Variants in HSD17B2 observed in about 807,000 individuals in gnomAD.
The protein encoded by HSD17B2 is hydroxysteroid 17-beta dehydrogenase 2, also known as 17-beta-hydroxysteroid dehydrogenase type 2.
A neutral mutation model predicts 26.9 loss-of-function variants in HSD17B2; 32 were observed. That is an observed-to-expected ratio of 1.19 (90% CI 0.90 to 1.60). The LOEUF is 1.60. Ranked by LOEUF, HSD17B2 falls within the 40% of genes most tolerant of loss-of-function variation. The pLI is 0.00. For missense variants in HSD17B2, 613 were observed against 468.6 expected (o/e 1.31, Z -2.85); for synonymous variants, 246 against 186.7 (o/e 1.32, Z -2.59).
intron 1 of HSD17B2, among the ~76,000 whole-genome samples, chr16:82,045,313 C>G (rs1164275090): frequency 6.6e-6 from 1 of 152,058 alleles, no homozygotes; most frequent in African/African-American, 2.4e-5. Flanking sequence ...AAGCTTCCCT[C>G]TTAAGATATA....
At chr16:82,084,671 T>C (rs1904473768) in intron 3 of HSD17B2, among the ~76,000 whole-genome samples, 1 of 152,172 alleles carries the variant, frequency 6.6e-6, no homozygotes, top group Non-Finnish European at 1.5e-5. Context: ...GGGCCAGTTT[T>C]CCTCCAGAAA....
chr16:82,090,777 C>T, intron 3 of HSD17B2, 125 bp from the exon 4 acceptor site: 1 of 896,874 alleles, frequency 1.1e-6, no homozygotes, highest in Middle Eastern at 2.9e-4. Flanking sequence ...GGGGGCCTTG[C>T]CTGCCTTTGT....
chr16:82,039,571 T>G (rs1046072727), intron 1 of HSD17B2, among the ~76,000 whole-genome samples: 4 of 152,152 alleles, frequency 2.6e-5, no homozygotes, highest in Non-Finnish European at 4.4e-5. Flanking sequence ...ACCAGGAAAT[T>G]ACTGTCAAGC....
chr16:82,074,458 C>T (rs377276941), intron 3 of HSD17B2, among the ~76,000 whole-genome samples: 2 of 152,000 alleles, frequency 1.3e-5, no homozygotes, highest in Non-Finnish European at 2.9e-5. Flanking sequence ...TCAACAGGGC[C>T]GGGAGTTTGT....
intron 1 of HSD17B2, among the ~76,000 whole-genome samples, chr16:82,045,927 G>A (rs1292790528): frequency 6.6e-6 from 1 of 152,214 alleles, no homozygotes; most frequent in African/African-American, 2.4e-5. Flanking sequence ...TGGTTCTTCT[G>A]TTACAGAGAG....
intron 1 of HSD17B2, among the ~76,000 whole-genome samples, chr16:82,037,075 G>C (rs1257677608): frequency 6.6e-6 from 1 of 152,202 alleles, no homozygotes; most frequent in East Asian, 1.9e-4. Context: ...ACCCAACTCA[G>C]TGAGCCCACA....
intron 1 of HSD17B2, among the ~76,000 whole-genome samples, chr16:82,046,168 C>G (rs548600883): frequency 6.6e-6 from 1 of 152,134 alleles, no homozygotes; most frequent in South Asian, 2.1e-4. Context: ...TATGCACGCT[C>G]GAGATACAGT....
intron 1 of HSD17B2, among the ~76,000 whole-genome samples, chr16:82,050,153 C>T (rs1055276063): frequency 6.6e-6 from 1 of 152,228 alleles, no homozygotes; most frequent in Non-Finnish European, 1.5e-5. Context: ...ACCTTATGTA[C>T]TCAGTTCCAC....
rs371716523 is a variant in HSD17B2, at chr16:82,067,909, C to T, written c.266-261C>T. On this transcript the variant is annotated intron_variant, in intron 1 of 4. Transcript: ENST00000199936. ...CCAGCCACTCCTGGACTACCCTTCC[C>T]CCATGCCTTTCTCTTTCCACCTATG... 7.2e-5 allele frequency among the ~76,000 whole-genome samples: 11 copies of T among 152,288 alleles called. No individual in the cohort carries two copies. The East Asian group carries it at 1.9e-3, about 27-fold the overall frequency.
At chr16:82,046,419 G>A (rs1463905294) in intron 1 of HSD17B2, among the ~76,000 whole-genome samples, 1 of 152,020 alleles carries the variant, frequency 6.6e-6, no homozygotes. Flanking sequence ...CGCCTTATAA[G>A]ATAATTTAAA....
chr16:82,089,763 T>C (rs373387052), intron 3 of HSD17B2, among the ~76,000 whole-genome samples: 6 of 152,264 alleles, frequency 3.9e-5, no homozygotes, highest in African/African-American at 1.4e-4. Context: ...TCCATCTTCA[T>C]GTGGCCTTCT....
intron 1 of HSD17B2, among the ~76,000 whole-genome samples, chr16:82,053,244 T>C (rs1273238608): frequency 1.3e-5 from 2 of 152,116 alleles, no homozygotes; most frequent in Non-Finnish European, 2.9e-5. Context: ...CATCAGGGAA[T>C]TGGTGATCAG....
intron 3 of HSD17B2, among the ~76,000 whole-genome samples, chr16:82,079,850 A>T (rs1363678428): frequency 6.6e-6 from 1 of 152,240 alleles, no homozygotes; most frequent in Non-Finnish European, 1.5e-5. Context: ...ACTTGTTGAT[A>T]TATCTTTGGC....
intron 1 of HSD17B2, among the ~76,000 whole-genome samples, chr16:82,065,256 G>A (rs1488373718): frequency 6.6e-6 from 1 of 152,180 alleles, no homozygotes; most frequent in Non-Finnish European, 1.5e-5. Flanking sequence ...CAGTTTGCAT[G>A]CCTTCATGGT....
chr16:82,064,260 C>G (rs143252439), intron 1 of HSD17B2, among the ~76,000 whole-genome samples: 4 of 152,196 alleles, frequency 2.6e-5, no homozygotes, highest in Admixed American at 2.0e-4. Context: ...CCTCCTTGCT[C>G]GCATCCCTTT....
At chr16:82,058,806 T>C (rs950568392) in intron 1 of HSD17B2, among the ~76,000 whole-genome samples, 14 of 152,050 alleles carry the variant, frequency 9.2e-5, no homozygotes, top group African/African-American at 3.1e-4. Flanking sequence ...AAAGAAAAAA[T>C]CTGATTTTTA....
chr16:82,075,062 T>C (rs8060685), intron 3 of HSD17B2, among the ~76,000 whole-genome samples: 19,159 of 152,090 alleles, frequency 0.13, 4,005 homozygotes, highest in African/African-American at 0.43. Flanking sequence ...GGAAACTATA[T>C]AAGCACATGG....
intron 2 of HSD17B2, 57 bp from the exon 3 acceptor site, chr16:82,070,885 G>T: frequency 2.0e-6 from 3 of 1,504,838 alleles, no homozygotes; most frequent in Non-Finnish European, 2.7e-6. Flanking sequence ...GGTATTGCAG[G>T]TTGTGTTATT....
chr16:82,093,137 T>C (rs1013815116), intron 4 of HSD17B2: 1 of 152,164 alleles, frequency 6.6e-6, no homozygotes, highest in Admixed American at 6.5e-5. Context: ...CAAATTATTA[T>C]AAATCCTCTT....
Sources: allele counts gnomAD v4.1 joint callset (sites outside exome capture counted in the v4.1 genomes callset), GRCh38; gene constraint gnomAD v4.1.1; transcripts MANE v1.5; gene names NCBI Gene and HGNC (gene_info 2026-07-23, HGNC 2026-07-21).